The following ZBTB20 variants were observed in gnomAD, a reference collection of about 807,000 sequenced individuals.
ZBTB20 encodes the protein zinc finger and BTB domain-containing protein 20.
In ZBTB20, 9 loss-of-function variants were observed where a neutral mutation model predicts 56.9. The ratio of observed to expected loss-of-function variants is 0.16; its 90% CI spans 0.10 to 0.28. ZBTB20 has a LOEUF of 0.28. Ranked by LOEUF, ZBTB20 falls within the 10% of genes least tolerant of loss-of-function variation. The pLI, the probability that ZBTB20 is intolerant of heterozygous loss-of-function variation, is 1.00. For synonymous variants in ZBTB20, 417 were observed against 420.7 expected (o/e 0.99, Z 0.11); for missense variants, 655 against 1,003.0 (o/e 0.65, Z 4.69).
At chr3:115,097,940 C>A (rs554607829) in intron 1 of ZBTB20, among the ~76,000 whole-genome samples, 1 of 152,124 alleles carries the variant, frequency 6.6e-6, no homozygotes, top group African/African-American at 2.4e-5. Context: ...TATTTTAGAT[C>A]TACTGAAGGT....
At chr3:115,146,872 G>GCGGGACGTCCCGCC in intron 1 of ZBTB20, among the ~76,000 whole-genome samples, 1 of 151,660 alleles carries the variant, frequency 6.6e-6, no homozygotes, top group East Asian at 1.9e-4. Flanking sequence ...GTTTCCAGCT[G>GCGGGACGTCCCGCC]CGGGACGTCC....
At chr3:114,602,746 G>C (rs1200400586) in intron 6 of ZBTB20, among the ~76,000 whole-genome samples, 1 of 151,872 alleles carries the variant, frequency 6.6e-6, no homozygotes, top group East Asian at 1.9e-4. Flanking sequence ...GGGGAAAAAA[G>C]GCTTCTGTAT....
chr3:114,805,100 G>A (rs1271070248), intron 4 of ZBTB20, among the ~76,000 whole-genome samples: 1 of 151,816 alleles, frequency 6.6e-6, no homozygotes, highest in East Asian at 1.9e-4. Context: ...TGCAATGATA[G>A]TACAGAGAGT....
intron 4 of ZBTB20, among the ~76,000 whole-genome samples, chr3:114,816,522 T>C (rs953011479): frequency 6.6e-6 from 1 of 152,104 alleles, no homozygotes; most frequent in Non-Finnish European, 1.5e-5. Context: ...TTAGGGGAGA[T>C]AGAAATTTTC....
chr3:114,816,577 A>G (rs2072933666), intron 4 of ZBTB20, among the ~76,000 whole-genome samples: 1 of 152,214 alleles, frequency 6.6e-6, no homozygotes, highest in Non-Finnish European at 1.5e-5. Context: ...ATATATGCCA[A>G]ATGCTAAAGT....
At chr3:114,363,011 T>C (rs2082045839) in intron 10 of ZBTB20, among the ~76,000 whole-genome samples, 4 of 152,184 alleles carry the variant, frequency 2.6e-5, no homozygotes, top group Admixed American at 6.6e-5. Context: ...ACAAAGTAAA[T>C]ATGCAATATT....
chr3:114,800,028 C>A (rs1253358505), intron 5 of ZBTB20, among the ~76,000 whole-genome samples: 1 of 151,858 alleles, frequency 6.6e-6, no homozygotes, highest in Non-Finnish European at 1.5e-5. Flanking sequence ...CTGTGACACT[C>A]TAAAAACCAC....
At chr3:114,667,193 G>A (rs1921495) in intron 6 of ZBTB20, among the ~76,000 whole-genome samples, 282 of 152,000 alleles carry the variant, frequency 1.9e-3, no homozygotes, top group Non-Finnish European at 3.5e-3. Context: ...CATGCTTAGC[G>A]TTCCAATAAT....
At chr3:114,916,683 G>A (rs2107734994) in intron 3 of ZBTB20, among the ~76,000 whole-genome samples, 1 of 152,176 alleles carries the variant, frequency 6.6e-6, no homozygotes, top group African/African-American at 2.4e-5. Context: ...TAGGGTAAGA[G>A]TTTATTCCTT....
At chr3:114,771,433 A>AAAT (rs1456666650) in intron 5 of ZBTB20, among the ~76,000 whole-genome samples, 1 of 152,172 alleles carries the variant, frequency 6.6e-6, no homozygotes, top group Admixed American at 6.5e-5. Flanking sequence ...AAATAGTTAA[A>AAAT]AATTTACAAT....
intron 5 of ZBTB20, among the ~76,000 whole-genome samples, chr3:114,703,992 A>C (rs1269797970): frequency 6.6e-6 from 1 of 152,192 alleles, no homozygotes; most frequent in Admixed American, 6.6e-5. Context: ...GTTGTATGGC[A>C]GTATTTTTAG....
At chr3:114,683,803 G>A (rs996583040) in intron 6 of ZBTB20, among the ~76,000 whole-genome samples, 1 of 152,038 alleles carries the variant, frequency 6.6e-6, no homozygotes, top group Non-Finnish European at 1.5e-5. Context: ...GGGAGTCTGG[G>A]TTAGCAGAGA....
At chr3:114,551,050 C>G (rs1456778932) in intron 6 of ZBTB20, among the ~76,000 whole-genome samples, 5 of 151,976 alleles carry the variant, frequency 3.3e-5, no homozygotes, top group African/African-American at 1.2e-4. Flanking sequence ...CACAACTGGC[C>G]AAAATAAATT....
intron 6 of ZBTB20, among the ~76,000 whole-genome samples, chr3:114,565,889 C>T (rs759523658): frequency 8.5e-5 from 13 of 152,174 alleles, no homozygotes; most frequent in Non-Finnish European, 1.5e-4. Context: ...AACACCTGCC[C>T]TCTCCTGAAA....
intron 2 of ZBTB20, among the ~76,000 whole-genome samples, chr3:114,995,097 T>C (rs1164125231): frequency 6.6e-6 from 1 of 151,770 alleles, no homozygotes; most frequent in African/African-American, 2.4e-5. Flanking sequence ...GAAATGAAAA[T>C]ATAAAAATAG....
intron 6 of ZBTB20, among the ~76,000 whole-genome samples, chr3:114,505,081 T>C (rs1331506570): frequency 2.6e-5 from 4 of 152,118 alleles, no homozygotes; most frequent in Admixed American, 1.3e-4. Flanking sequence ...TATTTCACAG[T>C]GGTAAGCGAA....
At chr3:114,713,896 A>G (rs1246331008) in intron 5 of ZBTB20, 3 of 152,604 alleles carry the variant, frequency 2.0e-5, no homozygotes, top group East Asian at 3.8e-4. Context: ...AGTTACCTAC[A>G]TTTGTAATAT....
At chr3:115,040,112 TAAC>T (rs910855830) in intron 2 of ZBTB20, among the ~76,000 whole-genome samples, 1 of 152,104 alleles carries the variant, frequency 6.6e-6, no homozygotes, top group African/African-American at 2.4e-5. Context: ...TTAAAAATAA[TAAC>T]AAAGTTACAT....
At chr3:114,522,553 T>C (rs566992594) in intron 6 of ZBTB20, among the ~76,000 whole-genome samples, 17 of 152,298 alleles carry the variant, frequency 1.1e-4, no homozygotes, top group East Asian at 1.9e-4. Flanking sequence ...ATTTTGAGAA[T>C]AGACTGTAAG....
Sources: allele counts gnomAD v4.1 joint callset (sites outside exome capture counted in the v4.1 genomes callset), GRCh38; gene constraint gnomAD v4.1.1; transcripts MANE v1.5; gene names NCBI Gene and HGNC (gene_info 2026-07-23, HGNC 2026-07-21).